PAK5: variants seen among roughly 807,000 people sequenced by gnomAD.
The protein encoded by PAK5 is serine/threonine-protein kinase PAK 5.
Under a neutral mutation model 65.9 loss-of-function variants are expected in PAK5, and 16 were observed. The observed-to-expected ratio is 0.24, with a 90% CI of 0.16 to 0.37. The LOEUF (loss-of-function observed/expected upper bound fraction) is 0.37. Among genes scored for constraint, PAK5 ranks in the 10% least tolerant of loss-of-function variants. The pLI is 1.00. For synonymous variants in PAK5, 371 were observed against 354.9 expected, an observed-to-expected ratio of 1.05 and a Z score of -0.51; for missense variants, 785 against 903.9, an observed-to-expected ratio of 0.87 and a Z score of 1.69.
In PAK5 at chr20:9,537,810, T is replaced by C; in HGVS notation, c.*1652A>G. 1 of 223,926 alleles carries C rather than the reference T, an allele frequency of 4.5e-6. No individual in the cohort carries two copies. Among genetic ancestry groups the C allele is most frequent in the Non-Finnish European group, 8.9e-6 (1 of 112,228 alleles). 13.9% of individuals were successfully genotyped at this position (223,926 alleles called of 1,614,324 possible). On this transcript the variant is annotated 3_prime_UTR_variant, in exon 10 of 10. Coordinates refer to ENST00000353224, the MANE Select transcript of PAK5 (RefSeq NM_177990.4). ...GAAGCAAAATCATAGATCATATTTATGGAGGCATTTCCAGTTTGAAAGAAA... is the reference window on the plus strand; with the variant it reads ...GAAGCAAAATCATAGATCATATTTACGGAGGCATTTCCAGTTTGAAAGAAA...
At chr20:9,557,899 G>GA (rs2122957968) in intron 6 of PAK5, among the ~76,000 whole-genome samples, 165 bp from the exon 7 acceptor site, 1 of 152,184 alleles carries the variant, frequency 6.6e-6, no homozygotes, top group African/African-American at 2.4e-5. Flanking sequence ...CTGACTCCCA[G>GA]AAAAAAGGCT....
intron 1 of PAK5, among the ~76,000 whole-genome samples, chr20:9,810,035 T>C (rs76287404): frequency 0.045 from 6,870 of 152,250 alleles, 277 homozygotes; most frequent in African/African-American, 0.11. Flanking sequence ...ACTCATTCCT[T>C]TCATTTTACC....
intron 2 of PAK5, among the ~76,000 whole-genome samples, chr20:9,690,908 CA>C (rs1414721262): frequency 6.6e-6 from 1 of 151,808 alleles, no homozygotes; most frequent in African/African-American, 2.4e-5. Flanking sequence ...TACCCACCAC[CA>C]TGCCCAGCTA....
chr20:9,707,296 G>A (rs1448923054), intron 2 of PAK5, among the ~76,000 whole-genome samples: 1 of 151,884 alleles, frequency 6.6e-6, no homozygotes, highest in Non-Finnish European at 1.5e-5. Flanking sequence ...TTTATTTTTT[G>A]TAGAGATAGC....
At chr20:9,544,621 G>C in intron 7 of PAK5, 127 bp from the exon 8 acceptor site, 3 of 813,986 alleles carry the variant, frequency 3.7e-6, no homozygotes. Flanking sequence ...GGACATATCA[G>C]AGGAGGGACT....
At chr20:9,804,947 CA>C (rs1421733525) in intron 1 of PAK5, among the ~76,000 whole-genome samples, 1 of 151,872 alleles carries the variant, frequency 6.6e-6, no homozygotes, top group Non-Finnish European at 1.5e-5. Context: ...AGGTGACCCA[CA>C]AAATGGGATA....
At chr20:9,777,145 T>C (rs1270451335) in intron 1 of PAK5, among the ~76,000 whole-genome samples, 2 of 152,180 alleles carry the variant, frequency 1.3e-5, no homozygotes, top group African/African-American at 4.8e-5. Context: ...GGAGGATTGC[T>C]TGAGCTCAGG....
intron 1 of PAK5, among the ~76,000 whole-genome samples, chr20:9,727,840 C>T (rs1383030707): frequency 6.6e-6 from 1 of 151,988 alleles, no homozygotes; most frequent in Admixed American, 6.6e-5. Flanking sequence ...TGTACATGTT[C>T]TTATTATTTT....
chr20:9,815,696 C>A (rs578084535), intron 1 of PAK5, among the ~76,000 whole-genome samples: 1 of 152,124 alleles, frequency 6.6e-6, no homozygotes, highest in Admixed American at 6.6e-5. Context: ...TCTACCATAG[C>A]AATTCTTTTT....
rs1392193196 is a variant in PAK5 at position 9,838,353 on chromosome 20, C to A, written c.-162+409G>T. On this transcript the variant is annotated intron_variant, in intron 1 of 9. Transcript: ENST00000353224. The surrounding 1 kb of genome is among the most constrained non-coding windows in gnomAD (Gnocchi z 4.5). Reference sequence around the variant, plus strand: ...GTCCAACACTTCTCGGGAAAAGCAGCGCCGTGGCACCCCCAGGGCGTGCGC... The same window carrying A: ...GTCCAACACTTCTCGGGAAAAGCAGAGCCGTGGCACCCCCAGGGCGTGCGC... Among the ~76,000 whole-genome samples the A allele has an allele frequency of 6.6e-6, 1 of 152,172 alleles. No homozygotes were observed. The highest frequency in any genetic ancestry group is 1.5e-5 in the Non-Finnish European group (1 of 68,042).
intron 2 of PAK5, among the ~76,000 whole-genome samples, chr20:9,691,747 A>G (rs953186397): frequency 6.6e-6 from 1 of 152,234 alleles, no homozygotes; most frequent in African/African-American, 2.4e-5. Flanking sequence ...TACATTCTTT[A>G]TATCTAAACA....
At chr20:9,636,567 A>C (rs1247372790) in intron 3 of PAK5, among the ~76,000 whole-genome samples, 1 of 152,188 alleles carries the variant, frequency 6.6e-6, no homozygotes, top group Non-Finnish European at 1.5e-5. Context: ...CTTCTCTGTG[A>C]CTCTTCAATC....
At chr20:9,645,792 T>A (rs1256833992) in intron 2 of PAK5, among the ~76,000 whole-genome samples, 1 of 152,188 alleles carries the variant, frequency 6.6e-6, no homozygotes, top group African/African-American at 2.4e-5. Context: ...TTCACCGTGT[T>A]AGCCAGGATG....
At chr20:9,805,137 A>T (rs769633600) in intron 1 of PAK5, among the ~76,000 whole-genome samples, 1 of 152,196 alleles carries the variant, frequency 6.6e-6, no homozygotes, top group Non-Finnish European at 1.5e-5. Context: ...TCGCATCATT[A>T]GTCATCAGTG....
intron 2 of PAK5, among the ~76,000 whole-genome samples, chr20:9,678,289 C>T (rs2047602392): frequency 6.6e-6 from 1 of 152,152 alleles, no homozygotes; most frequent in Non-Finnish European, 1.5e-5. Flanking sequence ...TACCCGAGGC[C>T]AGGCATGGTG....
chr20:9,730,080 C>A (rs1271796270), intron 1 of PAK5, among the ~76,000 whole-genome samples: 1 of 148,096 alleles, frequency 6.8e-6, no homozygotes, highest in African/African-American at 2.5e-5. Flanking sequence ...CAAACAAATG[C>A]TAAATCATGT....
At chr20:9,650,399 G>A (rs1195690874) in intron 2 of PAK5, among the ~76,000 whole-genome samples, 4 of 152,106 alleles carry the variant, frequency 2.6e-5, no homozygotes, top group Non-Finnish European at 4.4e-5. Flanking sequence ...GTTTCTAGGG[G>A]GATTTGACCA....
At chr20:9,715,318 G>T (rs1375309264) in intron 1 of PAK5, among the ~76,000 whole-genome samples, 1 of 152,206 alleles carries the variant, frequency 6.6e-6, no homozygotes, top group African/African-American at 2.4e-5. Context: ...CTGGCCATCA[G>T]AGAAATGCAA....
At chr20:9,805,707 A>T (rs1232594327) in intron 1 of PAK5, among the ~76,000 whole-genome samples, 1 of 152,180 alleles carries the variant, frequency 6.6e-6, no homozygotes, top group Non-Finnish European at 1.5e-5. Flanking sequence ...GACACAAAGA[A>T]GATTAGTTTT....
Sources: allele counts gnomAD v4.1 joint callset (sites outside exome capture counted in the v4.1 genomes callset), GRCh38; gene constraint gnomAD v4.1.1; non-coding constraint Gnocchi (gnomAD v3.1); transcripts MANE v1.5; gene names NCBI Gene and HGNC (gene_info 2026-07-23, HGNC 2026-07-21).